MAST2: variants seen among roughly 807,000 people sequenced by gnomAD.
MAST2 encodes microtubule-associated serine/threonine-protein kinase 2.
A neutral mutation model predicts 147.4 loss-of-function variants in MAST2; 70 were observed. That is an observed-to-expected ratio of 0.47 (90% CI 0.39 to 0.58). The LOEUF is 0.58. MAST2 is among the 20% of genes least tolerant of loss of function. The probability of loss-of-function intolerance (pLI) is 0.00; values close to 1 mark genes in which losing one functional copy is unlikely to be tolerated. For synonymous variants in MAST2, 869 were observed against 896.8 expected (o/e 0.97, Z 0.55); for missense variants, 2,080 against 2,302.3 (o/e 0.90, Z 1.98).
intron 1 of MAST2, among the ~76,000 whole-genome samples, chr1:45,818,954 T>C (rs1463361728): frequency 6.6e-6 from 1 of 152,162 alleles, no homozygotes; most frequent in Non-Finnish European, 1.5e-5. Context: ...ATGACATTTA[T>C]TTAAGAATGT....
At chr1:45,899,286 A>C (rs536095238) in intron 4 of MAST2, among the ~76,000 whole-genome samples, 3 of 147,058 alleles carry the variant, frequency 2.0e-5, no homozygotes, top group East Asian at 2.0e-4. Flanking sequence ...GAATTGGCCA[A>C]AAATATTTTT....
intron 2 of MAST2, among the ~76,000 whole-genome samples, chr1:45,826,385 C>T (rs1482290703): frequency 6.6e-6 from 1 of 152,062 alleles, no homozygotes; most frequent in African/African-American, 2.4e-5. Flanking sequence ...ACAGGGTCTC[C>T]TCTGTCGCCC....
intron 4 of MAST2, chr1:45,913,853 A>G: frequency 8.1e-7 from 1 of 1,237,812 alleles, no homozygotes; most frequent in Non-Finnish European, 1.0e-6. Context: ...GGCAAGAGAG[A>G]CTGGGAGCAC....
chr1:45,944,475 GT>G (rs1657761017), intron 4 of MAST2, among the ~76,000 whole-genome samples: 1 of 151,976 alleles, frequency 6.6e-6, no homozygotes, highest in Non-Finnish European at 1.5e-5. Context: ...GATTATGTCT[GT>G]TTTCTTTTGC....
In MAST2 at chr1:46,035,777, G is replaced by A; in HGVS notation, c.5108G>A (p.Gly1703Glu). The change falls in exon 29 of 29, where the codon GGG (glycine) becomes GAG (glutamate). Residue 1703 changes from glycine (G) to glutamate (E), a missense_variant. Physicochemically the swap from Gly to Glu is moderately conservative, Grantham distance 98. This residue lies in a region of MAST2 where 1,278 missense variants were observed against 1,304.2 expected (regional missense o/e 0.98). Transcript: ENST00000361297. The surrounding 1 kb of genome is among the most constrained non-coding windows in gnomAD (Gnocchi z 5.5). ...AAGAACCTGTCTCCCAGGGAGCAGG[G>A]GAAGACACAGCCACCTAGTGCCCCC... ...QPKNLSPREQ[G>E]KTQPPSAPRL... is the part of the protein sequence containing the mutation. 2 of 1,614,054 alleles carry A rather than the reference G, an allele frequency of 1.2e-6. No individual in the cohort carries two copies. The highest frequency in any genetic ancestry group is 3.3e-5 in the Admixed American group (2 of 60,012).
At chr1:45,859,456 G>A (rs1376463655) in intron 3 of MAST2, among the ~76,000 whole-genome samples, 11 of 152,164 alleles carry the variant, frequency 7.2e-5, no homozygotes, top group African/African-American at 2.7e-4. Flanking sequence ...CTGAAGTAGG[G>A]AACCTCTCCA....
chr1:45,870,784 C>G (rs1646353534), intron 3 of MAST2, among the ~76,000 whole-genome samples: 1 of 151,534 alleles, frequency 6.6e-6, no homozygotes, highest in Non-Finnish European at 1.5e-5. Flanking sequence ...ATTTAAGTAG[C>G]CAGGCGTGGC....
chr1:45,866,267 A>G (rs1298590443), intron 3 of MAST2, among the ~76,000 whole-genome samples: 2 of 152,226 alleles, frequency 1.3e-5, no homozygotes, highest in African/African-American at 2.4e-5. Context: ...TTAAAAGTCA[A>G]TAACATAAAC....
At chr1:45,846,936 C>CAATG (rs1425538313) in intron 3 of MAST2, 1 of 240,436 alleles carries the variant, frequency 4.2e-6, no homozygotes, top group African/African-American at 2.4e-5. Flanking sequence ...GTACCATAAT[C>CAATG]AATGAATATA....
At chr1:45,864,735 C>G (rs1425830671) in intron 3 of MAST2, among the ~76,000 whole-genome samples, 1 of 152,112 alleles carries the variant, frequency 6.6e-6, no homozygotes, top group Admixed American at 6.6e-5. Context: ...TTTGCTAAAC[C>G]TTTTTAATAA....
At chr1:45,852,331 T>A (rs1372614003) in intron 3 of MAST2, among the ~76,000 whole-genome samples, 1 of 152,118 alleles carries the variant, frequency 6.6e-6, no homozygotes, top group Non-Finnish European at 1.5e-5. Context: ...TTGCAACCAC[T>A]AATGTGTTCT....
chr1:45,850,504 A>T (rs1645589548), intron 3 of MAST2, among the ~76,000 whole-genome samples: 1 of 152,110 alleles, frequency 6.6e-6, no homozygotes, highest in Non-Finnish European at 1.5e-5. Context: ...CTCAGTCATA[A>T]ATTGTTTCCC....
At chr1:45,815,251 C>T (rs1644418298) in intron 1 of MAST2, among the ~76,000 whole-genome samples, 1 of 150,958 alleles carries the variant, frequency 6.6e-6, no homozygotes, top group Non-Finnish European at 1.5e-5. Context: ...TTCACTGCAA[C>T]CTCTGCCTCC....
intron 12 of MAST2, 70 bp from the exon 13 acceptor site, chr1:46,022,840 G>A (rs1646244590): frequency 8.7e-7 from 1 of 1,146,684 alleles, no homozygotes; most frequent in Admixed American, 1.7e-5. Context: ...CACCTGTTGT[G>A]TGATCTGAGG....
intron 1 of MAST2, among the ~76,000 whole-genome samples, chr1:45,822,858 A>G (rs1377647111): frequency 3.3e-5 from 5 of 152,154 alleles, no homozygotes; most frequent in Non-Finnish European, 7.3e-5. Flanking sequence ...GACATGCCAA[A>G]TAGTGCAAAT....
At chr1:45,988,903 G>A (rs1557432941) in intron 5 of MAST2, among the ~76,000 whole-genome samples, 1 of 152,054 alleles carries the variant, frequency 6.6e-6, no homozygotes, top group Non-Finnish European at 1.5e-5. Flanking sequence ...CCAGGCTCAT[G>A]TTGTATATTT....
At chr1:45,866,803 C>T (rs201252358) in intron 3 of MAST2, among the ~76,000 whole-genome samples, 4 of 151,602 alleles carry the variant, frequency 2.6e-5, no homozygotes, top group East Asian at 1.9e-4. Flanking sequence ...GGTGCAGTGG[C>T]GTGATCTTGG....
intron 4 of MAST2, among the ~76,000 whole-genome samples, chr1:45,897,465 A>T (rs1648925856): frequency 6.6e-6 from 1 of 152,206 alleles, no homozygotes. Flanking sequence ...GGACCACTGC[A>T]TCAGGTAGGA....
chr1:45,971,517 C>G (rs550506887), intron 5 of MAST2, among the ~76,000 whole-genome samples: 1 of 152,196 alleles, frequency 6.6e-6, no homozygotes, highest in Admixed American at 6.5e-5. Context: ...TATCCACGTT[C>G]CCACACCACT....
Sources: allele counts gnomAD v4.1 joint callset (sites outside exome capture counted in the v4.1 genomes callset), GRCh38; gene constraint gnomAD v4.1.1; regional missense constraint gnomAD v4.1.1; non-coding constraint Gnocchi (gnomAD v3.1); transcripts MANE v1.5; gene names NCBI Gene and HGNC (gene_info 2026-07-23, HGNC 2026-07-21).